GAREM1: variants seen among roughly 807,000 people sequenced by gnomAD.
GAREM1 encodes the protein GRB2-associated and regulator of MAPK protein 1.
GAREM1 carries 26 observed loss-of-function variants against 71.3 expected under a neutral mutation model. The observed-to-expected ratio is 0.36, with a 90% CI of 0.27 to 0.51. The LOEUF (loss-of-function observed/expected upper bound fraction) is 0.51, where lower values mean the gene tolerates loss of function less well. GAREM1 is among the 20% of genes least tolerant of loss of function. GAREM1 has a pLI of 0.95. For synonymous variants in GAREM1, 440 were observed against 433.2 expected, an observed-to-expected ratio of 1.02 and a Z score of -0.20; for missense variants, 1,026 against 1,103.1, an observed-to-expected ratio of 0.93 and a Z score of 0.99.
intron 2 of GAREM1, among the ~76,000 whole-genome samples, chr18:32,334,089 G>A (rs1211074394): frequency 6.6e-6 from 1 of 152,148 alleles, no homozygotes; most frequent in South Asian, 2.1e-4. Context: ...AAAGAAGCTG[G>A]TGTCCCGAGA....
intron 3 of GAREM1, among the ~76,000 whole-genome samples, 175 bp from the exon 4 acceptor site, chr18:32,288,378 T>C (rs2047048573): frequency 6.6e-6 from 1 of 152,186 alleles, no homozygotes; most frequent in African/African-American, 2.4e-5. Flanking sequence ...CAATAACTAC[T>C]ATTTGTTCAA....
chr18:32,380,085 G>A (rs2048080512), intron 2 of GAREM1, among the ~76,000 whole-genome samples: 1 of 152,160 alleles, frequency 6.6e-6, no homozygotes, highest in African/African-American at 2.4e-5. Context: ...ACGCATGGTT[G>A]CTATCAGTTT....
intron 2 of GAREM1, chr18:32,331,545 T>C (rs1157593498): frequency 6.6e-6 from 1 of 152,150 alleles, no homozygotes; most frequent in East Asian, 1.9e-4. Context: ...TCTACAGCAG[T>C]CACATACACT....
chr18:32,390,844 C>A (rs2048189087), intron 2 of GAREM1, among the ~76,000 whole-genome samples: 1 of 152,164 alleles, frequency 6.6e-6, no homozygotes, highest in Non-Finnish European at 1.5e-5. Flanking sequence ...TGATATCCAG[C>A]CAACACTCCA....
chr18:32,438,571 G>T (rs965414706), intron 1 of GAREM1, among the ~76,000 whole-genome samples: 4 of 152,168 alleles, frequency 2.6e-5, no homozygotes, highest in African/African-American at 9.7e-5. Flanking sequence ...CAACAAAGGC[G>T]AGTCAAGAAC....
chr18:32,404,306 A>T (rs2048345812), intron 1 of GAREM1, among the ~76,000 whole-genome samples: 1 of 152,184 alleles, frequency 6.6e-6, no homozygotes, highest in South Asian at 2.1e-4. Context: ...ATACATTTGG[A>T]TGACTAAATA....
intron 2 of GAREM1, among the ~76,000 whole-genome samples, chr18:32,343,535 G>T (rs192957898): frequency 1.3e-5 from 2 of 152,024 alleles, no homozygotes; most frequent in South Asian, 4.2e-4. Context: ...TCCTAGCCTC[G>T]AGTGATCTGT....
At chr18:32,462,336 C>A (rs1010915270) in intron 1 of GAREM1, among the ~76,000 whole-genome samples, 1 of 152,130 alleles carries the variant, frequency 6.6e-6, no homozygotes, top group African/African-American at 2.4e-5. Context: ...GATCTCACTG[C>A]GATTTTGATT....
chr18:32,346,202 C>T (rs1030604452), intron 2 of GAREM1, among the ~76,000 whole-genome samples: 2 of 152,054 alleles, frequency 1.3e-5, no homozygotes, highest in East Asian at 3.9e-4. Flanking sequence ...AGATAGAATA[C>T]ATTTCCCATG....
Position 32,443,849 on chromosome 18 carries a change from C to G in GAREM1, c.121+26459G>C, listed in dbSNP as rs974296641. Among the ~76,000 whole-genome samples the G allele has an allele frequency of 2.0e-5, 3 of 152,214 alleles. No homozygotes were observed. The East Asian group carries it at 5.8e-4, about 29-fold the overall frequency. ...TCCATATCAGCAATATTCGTAACAG[C>G]CCAAAGTGGAAACAATCCAAATGTC... On this transcript the variant is annotated intron_variant, in intron 1 of 5. Coordinates refer to ENST00000269209, the MANE Select transcript of GAREM1 (RefSeq NM_001242409.2).
intron 2 of GAREM1, among the ~76,000 whole-genome samples, chr18:32,351,970 G>A (rs1264533869): frequency 6.6e-6 from 1 of 152,092 alleles, no homozygotes; most frequent in Non-Finnish European, 1.5e-5. Context: ...TGGTACAAAT[G>A]TCCCAATTTA....
chr18:32,385,516 G>A (rs1158144258), intron 2 of GAREM1, among the ~76,000 whole-genome samples: 8 of 152,020 alleles, frequency 5.3e-5, no homozygotes, highest in Admixed American at 2.6e-4. Flanking sequence ...AATTTACTGA[G>A]CAAGGGGAAT....
At chr18:32,286,913 A>C in intron 4 of GAREM1, 118 bp downstream of exon 4, 1 of 736,842 alleles carries the variant, frequency 1.4e-6, no homozygotes, top group Non-Finnish European at 2.3e-6. Flanking sequence ...ACTCCAAACT[A>C]AACAAATTTG....
At chr18:32,306,945 T>C (rs949672927) in intron 3 of GAREM1, among the ~76,000 whole-genome samples, 3 of 152,198 alleles carry the variant, frequency 2.0e-5, no homozygotes, top group Non-Finnish European at 2.9e-5. Context: ...ATCAGGCAGA[T>C]AGTTTTAAAC....
intron 1 of GAREM1, among the ~76,000 whole-genome samples, chr18:32,469,304 C>G (rs1019422058): frequency 1.3e-5 from 2 of 152,198 alleles, no homozygotes; most frequent in East Asian, 3.8e-4. Context: ...TAGTGTTCTT[C>G]TGACCTGGCC....
At chr18:32,362,771 C>A (rs932845102) in intron 2 of GAREM1, among the ~76,000 whole-genome samples, 1 of 152,106 alleles carries the variant, frequency 6.6e-6, no homozygotes, top group Non-Finnish European at 1.5e-5. Context: ...GACGTGGATA[C>A]TAATGAGGAA....
At chr18:32,285,438 C>T (rs1480922848) in intron 4 of GAREM1, among the ~76,000 whole-genome samples, 2 of 152,222 alleles carry the variant, frequency 1.3e-5, no homozygotes, top group African/African-American at 2.4e-5. Context: ...TGCACCCTAT[C>T]CAGCCCTATT....
chr18:32,293,916 A>G (rs2047113370), intron 3 of GAREM1, among the ~76,000 whole-genome samples: 1 of 152,212 alleles, frequency 6.6e-6, no homozygotes, highest in South Asian at 2.1e-4. Flanking sequence ...ATATCAGACA[A>G]ACCCAAACAG....
At chr18:32,309,590 T>C (rs948068066) in intron 3 of GAREM1, among the ~76,000 whole-genome samples, 3 of 117,112 alleles carry the variant, frequency 2.6e-5, no homozygotes, top group African/African-American at 1.0e-4. Context: ...TACTCCAGCC[T>C]GGGTGACAGA....
Sources: gnomAD v4.1 joint callset for allele counts (sites outside exome capture counted in the v4.1 genomes callset) on GRCh38, gnomAD v4.1.1 for gene constraint, MANE v1.5 for transcripts, NCBI Gene and HGNC (gene_info 2026-07-23, HGNC 2026-07-21) for gene names.